PLCB1: variants seen among roughly 807,000 people sequenced by gnomAD.
The protein encoded by PLCB1 is 1-phosphatidylinositol 4,5-bisphosphate phosphodiesterase beta-1.
PLCB1 carries 46 observed loss-of-function variants against 161.8 expected under a neutral mutation model. The observed-to-expected ratio is 0.28, with a 90% CI of 0.22 to 0.36. The LOEUF (loss-of-function observed/expected upper bound fraction) is 0.36, where lower values mean the gene tolerates loss of function less well. Ranked by LOEUF, PLCB1 falls within the 10% of genes least tolerant of loss-of-function variation. The pLI is 1.00. For missense variants in PLCB1, 1,016 were observed against 1,472.5 expected (o/e 0.69, Z 5.07); for synonymous variants, 517 against 503.7 (o/e 1.03, Z -0.35).
intron 9 of PLCB1, among the ~76,000 whole-genome samples, chr20:8,664,059 ACCAAAAGAAAGCAGTAATTTTTTT>A (rs1464872188): frequency 6.6e-6 from 1 of 152,132 alleles, no homozygotes; most frequent in Admixed American, 6.6e-5. Flanking sequence ...AAACTGCCAA[ACCAAAAGAAAGCAGTAATTTTTTT>A]CATGCTTTTA....
At chr20:8,149,790 T>C (rs1224606996) in intron 1 of PLCB1, among the ~76,000 whole-genome samples, 2 of 152,148 alleles carry the variant, frequency 1.3e-5, no homozygotes, top group Admixed American at 1.3e-4. Context: ...AAATTGAAAT[T>C]TGCAACAAGT....
chr20:8,315,306 C>T (rs568105163), intron 2 of PLCB1, among the ~76,000 whole-genome samples: 62 of 152,276 alleles, frequency 4.1e-4, no homozygotes, highest in African/African-American at 1.3e-3. Flanking sequence ...TGACAAAGGG[C>T]ACCTGCCCTG....
chr20:8,641,712 C>G (rs1040170592), intron 4 of PLCB1, among the ~76,000 whole-genome samples: 2 of 152,170 alleles, frequency 1.3e-5, no homozygotes, highest in Non-Finnish European at 2.9e-5. Flanking sequence ...ATTAGCCAGA[C>G]CTTCTCTGGT....
At chr20:8,346,826 A>C (rs1387322630) in intron 2 of PLCB1, among the ~76,000 whole-genome samples, 2 of 152,142 alleles carry the variant, frequency 1.3e-5, no homozygotes, top group Admixed American at 1.3e-4. Context: ...AGGCTTCTTG[A>C]GTTCCAAAAG....
intron 30 of PLCB1, 29 bp from the exon 31 acceptor site, chr20:8,790,146 A>C: frequency 6.6e-7 from 1 of 1,508,782 alleles, no homozygotes; most frequent in South Asian, 1.1e-5. Flanking sequence ...GTTTAGATGA[A>C]AGTAATGTTT....
At chr20:8,228,739 A>G (rs1289463749) in intron 2 of PLCB1, among the ~76,000 whole-genome samples, 4 of 151,730 alleles carry the variant, frequency 2.6e-5, no homozygotes, top group African/African-American at 4.8e-5. Flanking sequence ...CTCAGGCTGA[A>G]CTCTCCACTT....
chr20:8,719,750 A>C (rs1302622396), intron 14 of PLCB1, among the ~76,000 whole-genome samples: 3 of 152,118 alleles, frequency 2.0e-5, no homozygotes, highest in Non-Finnish European at 4.4e-5. Context: ...TATTTGGTGA[A>C]AATTCTTTGC....
intron 19 of PLCB1, among the ~76,000 whole-genome samples, 177 bp from the exon 20 acceptor site, chr20:8,736,851 A>G (rs1304713953): frequency 6.6e-6 from 1 of 152,118 alleles, no homozygotes; most frequent in South Asian, 2.1e-4. Flanking sequence ...GAACCAAACC[A>G]TATCATAACC....
intron 3 of PLCB1, among the ~76,000 whole-genome samples, chr20:8,532,250 G>A (rs1484791151): frequency 6.6e-6 from 1 of 152,178 alleles, no homozygotes; most frequent in African/African-American, 2.4e-5. Context: ...CTATTGAGCA[G>A]TATCAGATCC....
Position 8,733,218 on chromosome 20 carries a change from C to T in PLCB1, c.1889-20C>T. On this transcript the variant is annotated intron_variant, in intron 18 of 31. Coordinates refer to ENST00000338037, the MANE Select transcript of PLCB1 (RefSeq NM_015192.4). ...AAGTATAGATAAACTCACAATAAGGCTTGTGTTTTTGATACTCAGACCTGG... is the reference window on the plus strand; with the variant it reads ...AAGTATAGATAAACTCACAATAAGGTTTGTGTTTTTGATACTCAGACCTGG... 1 of 1,611,816 alleles carries T rather than the reference C, an allele frequency of 6.2e-7. No homozygotes were observed. The highest frequency in any genetic ancestry group is 8.5e-7 in the Non-Finnish European group (1 of 1,178,190).
At chr20:8,846,994 G>T (rs1218011251) in intron 31 of PLCB1, among the ~76,000 whole-genome samples, 1 of 152,086 alleles carries the variant, frequency 6.6e-6, no homozygotes, top group Non-Finnish European at 1.5e-5. Flanking sequence ...GCTAAATATT[G>T]GAATCAGAGG....
At chr20:8,811,956 A>C (rs953128881) in intron 31 of PLCB1, among the ~76,000 whole-genome samples, 1 of 152,250 alleles carries the variant, frequency 6.6e-6, no homozygotes, top group Non-Finnish European at 1.5e-5. Flanking sequence ...AGGTCGAGTC[A>C]TAGCTCCAGG....
chr20:8,201,927 G>A (rs1389917818), intron 2 of PLCB1, among the ~76,000 whole-genome samples: 1 of 152,098 alleles, frequency 6.6e-6, no homozygotes, highest in African/African-American at 2.4e-5. Flanking sequence ...GCCTGTGTTG[G>A]GTTTTGTAGA....
At chr20:8,864,972 A>G (rs1987377783) in intron 31 of PLCB1, among the ~76,000 whole-genome samples, 2 of 152,234 alleles carry the variant, frequency 1.3e-5, no homozygotes. Context: ...AAGATTTAGC[A>G]GACCAGCTCT....
rs548967888 is a variant in PLCB1 at position 8,791,042 on chromosome 20, A to C, written c.3423+781A>C. On this transcript the variant is annotated intron_variant, in intron 31 of 31. Transcript: ENST00000338037. ...AAGCATTTCTCGAGTCCTAAAAGTT[A>C]AAAAACGTTAGTTTTATTTAATTGT... 3.9e-5 allele frequency among the ~76,000 whole-genome samples: 6 copies of C among 152,276 alleles called. No individual in the cohort carries two copies. The East Asian group carries it at 1.2e-3, about 29-fold the overall frequency.
At chr20:8,423,153 T>C (rs759148955) in intron 3 of PLCB1, among the ~76,000 whole-genome samples, 2 of 152,172 alleles carry the variant, frequency 1.3e-5, no homozygotes, top group African/African-American at 2.4e-5. Context: ...TTTTGAATAA[T>C]TTATTTGCAT....
chr20:8,479,580 A>G (rs578098068), intron 3 of PLCB1, among the ~76,000 whole-genome samples: 2 of 152,290 alleles, frequency 1.3e-5, no homozygotes, highest in South Asian at 2.1e-4. Context: ...AGCCATCTAT[A>G]TTACTCACTT....
intron 3 of PLCB1, among the ~76,000 whole-genome samples, chr20:8,616,081 C>G (rs948303768): frequency 6.6e-6 from 1 of 152,146 alleles, no homozygotes; most frequent in African/African-American, 2.4e-5. Context: ...AACATCAAGT[C>G]AAGCTGATTT....
At chr20:8,458,931 T>A (rs908604763) in intron 3 of PLCB1, among the ~76,000 whole-genome samples, 6 of 152,368 alleles carry the variant, frequency 3.9e-5, no homozygotes, top group Middle Eastern at 6.8e-3. Context: ...GTTCAAATCC[T>A]ATTTCAATAG....
Sources: allele counts gnomAD v4.1 joint callset (sites outside exome capture counted in the v4.1 genomes callset), GRCh38; gene constraint gnomAD v4.1.1; transcripts MANE v1.5; gene names NCBI Gene and HGNC (gene_info 2026-07-23, HGNC 2026-07-21).